Variants in DMRTC1 observed in about 807,000 individuals in gnomAD.
The protein encoded by DMRTC1 is doublesex- and mab-3-related transcription factor C1.
For missense variants in DMRTC1, 9 were observed against 34.6 expected (o/e 0.26, Z 1.86); for synonymous variants, 7 against 14.1 (o/e 0.50, Z 1.13).
At chrX:72,913,636 A>C (rs1253521581) in intron 1 of DMRTC1, among the ~76,000 whole-genome samples, 6 of 83,725 alleles carry the variant, frequency 7.2e-5, no homozygotes, top group African/African-American at 2.3e-4. Flanking sequence ...GGGCACTTAC[A>C]TGCAGGAATG....
chrX:72,886,942 A>C (rs868961122), intron 1 of DMRTC1, among the ~76,000 whole-genome samples: 144 of 97,788 alleles, frequency 1.5e-3, no homozygotes, highest in Admixed American at 2.3e-3. Context: ...CATTGTGGAG[A>C]TCTATCACAT....
chrX:72,912,573 T>TG (rs1345032400), intron 1 of DMRTC1: 5 of 283,950 alleles, frequency 1.8e-5, no homozygotes, highest in Non-Finnish European at 3.0e-5. Context: ...GGAGGGACGA[T>TG]GGGGCAGGGG....
chrX:72,879,147 G>GTTTTTTTTT (rs781972795), intron 1 of DMRTC1, among the ~76,000 whole-genome samples: 48 of 12,768 alleles, frequency 3.8e-3, no homozygotes, highest in Non-Finnish European at 6.5e-3. Flanking sequence ...TTTTTTGTTT[G>GTTTTTTTTT]TTTTTTTTTT....
chrX:72,916,332 A>G (rs1428881982), intron 1 of DMRTC1, among the ~76,000 whole-genome samples: 3 of 109,307 alleles, frequency 2.7e-5, no homozygotes, highest in East Asian at 2.9e-4. Flanking sequence ...ACAGCAATGC[A>G]GTCTAAGAGC....
Position 72,872,603 on chromosome X carries a change from C to A in DMRTC1, c.467-39G>T, listed in dbSNP as rs782099547. The A allele has an allele frequency of 4.2e-6, 5 of 1,195,416 alleles. No homozygotes were observed. In the African/African-American group the frequency reaches 5.6e-5, roughly 13 times the overall value. On this transcript the variant is annotated intron_variant, in intron 6 of 6. Transcript: ENST00000615063. ...GGAAGGGGCCAGAGCCAGGTCACAT[C>A]CACATCCCCTTCCAGATCTACTCTT...
At chrX:72,916,184 C>T (rs1473319265) in intron 1 of DMRTC1, among the ~76,000 whole-genome samples, 5 of 103,619 alleles carry the variant, frequency 4.8e-5, no homozygotes, top group African/African-American at 1.6e-4. Context: ...GTTACAGGAG[C>T]GTCACATGTT....
chrX:72,876,869 T>G, intron 1 of DMRTC1, among the ~76,000 whole-genome samples: 1 of 35,925 alleles, frequency 2.8e-5, no homozygotes, highest in Non-Finnish European at 5.0e-5. Flanking sequence ...CCCGGCCTTT[T>G]TTTTTTTTTT....
intron 1 of DMRTC1, among the ~76,000 whole-genome samples, chrX:72,879,356 T>TTTCCCTTCCCTTCCC (rs202023303): frequency 1.2e-4 from 2 of 16,576 alleles, no homozygotes; most frequent in Middle Eastern, 0.02. Flanking sequence ...TTTGCTTTCC[T>TTTCCCTTCCCTTCCC]TTCCCTTCCC....
chrX:72,875,317 T>G lies in DMRTC1; in HGVS notation c.79A>C (p.Asn27His), dbSNP rs1556351562. The G allele has an allele frequency of 3.3e-4, 1 of 3,007 alleles. No homozygotes were observed. 0.2% of individuals were successfully genotyped at this position (3,007 alleles called of 1,213,427 possible). ...RAGALTGKEN[N>H]MLQPETHIFT... is the part of the protein sequence containing the mutation. ...ATGTGGGTCTCGGGCTGCAGCATGTTGTTCTCCTTCCCAGCTGTGAAAGAC... is the reference window on the plus strand; with the variant it reads ...ATGTGGGTCTCGGGCTGCAGCATGTGGTTCTCCTTCCCAGCTGTGAAAGAC... Residue 27 changes from asparagine to histidine, a missense_variant, in exon 3 of 7, where the codon AAC becomes CAC. By Grantham distance (68) the Asn-to-His change is moderately conservative. Transcript: ENST00000615063.
chrX:72,913,436 G>A (rs1488071032), intron 1 of DMRTC1: 90 of 429,194 alleles, frequency 2.1e-4, no homozygotes, highest in Middle Eastern at 1.3e-3. Context: ...CTTTCAACAC[G>A]TCGGCTGAAC....
chrX:72,882,218 CT>C (rs1284884271), intron 1 of DMRTC1, among the ~76,000 whole-genome samples: 2 of 65,616 alleles, frequency 3.0e-5, no homozygotes, highest in African/African-American at 1.2e-4. Flanking sequence ...ATCTCACCCC[CT>C]CCCCCACCTC....
In DMRTC1 at chrX:72,916,270, G is replaced by C. The variant is rs1475334130; in HGVS notation, c.-95+27305C>G. ...TTCTGAGGTTGCATCGCCAGCACAA[G>C]AGGGAGCCAAGATACAGTCCCTGGT... On this transcript the variant is annotated intron_variant, in intron 1 of 6. Transcript: ENST00000615063. 7.3e-5 allele frequency among the ~76,000 whole-genome samples: 8 copies of C among 109,187 alleles called. 1 individual carries two copies. Among genetic ancestry groups the C allele is most frequent in the African/African-American group, 2.9e-4 (8 of 27,353 alleles). The allele number at this position is 109,187 out of a possible 115,157, so 94.8% of individuals were successfully genotyped here.
At chrX:72,913,637 T>C in intron 1 of DMRTC1, among the ~76,000 whole-genome samples, 1 of 83,694 alleles carries the variant, frequency 1.2e-5, no homozygotes, top group African/African-American at 4.6e-5. Context: ...GGCACTTACA[T>C]GCAGGAATGA....
intron 6 of DMRTC1, 95 bp from the exon 7 acceptor site, chrX:72,872,659 C>T: frequency 8.8e-7 from 1 of 1,132,956 alleles, no homozygotes; most frequent in Non-Finnish European, 1.2e-6. Flanking sequence ...AAAGATTTGT[C>T]ACCTGGACTG....
At chrX:72,882,268 G>A (rs1344919252) in intron 1 of DMRTC1, among the ~76,000 whole-genome samples, 2 of 50,744 alleles carry the variant, frequency 3.9e-5, no homozygotes, top group Non-Finnish European at 7.4e-5. Context: ...CAGAGACAGA[G>A]CACAAGCTGT....
intron 1 of DMRTC1, among the ~76,000 whole-genome samples, chrX:72,905,982 A>C (rs1261185509): frequency 9.3e-6 from 1 of 107,856 alleles, no homozygotes; most frequent in African/African-American, 3.5e-5. Context: ...CAAAATTAAC[A>C]AACCTTTAGC....
At chrX:72,880,655 TTTC>T (rs1490837058) in intron 1 of DMRTC1, among the ~76,000 whole-genome samples, 7 of 14,000 alleles carry the variant, frequency 5.0e-4, no homozygotes, top group East Asian at 8.8e-3. Context: ...TGCTTTGCTT[TTTC>T]TCTTTGCTTT....
At chrX:72,880,659 T>TTTGCTTTG (rs1569461353) in intron 1 of DMRTC1, among the ~76,000 whole-genome samples, 7 of 13,240 alleles carry the variant, frequency 5.3e-4, no homozygotes, top group East Asian at 9.3e-3. Flanking sequence ...TTGCTTTTTC[T>TTTGCTTTG]CTTTGCTTTG....
At position 72,872,490 on chromosome X, in the gene DMRTC1, G is replaced by A; in HGVS notation, c.541C>T (p.Pro181Ser). ...RPRPASSISL[P>S]IGHLGCISLL... is the part of the protein sequence containing the mutation. ...GAGATGCATCCCAGATGTCCAATAG[G>A]CAGCGAGATGGAGCTGGCTGGCCTG... is the stretch of plus-strand genomic sequence containing the variant. The change falls in exon 7 of 7, where the codon CCT becomes TCT. Residue 181 changes from proline to serine, a missense_variant. By Grantham distance (74) the Pro-to-Ser change is moderately conservative. Coordinates refer to ENST00000615063, the MANE Select transcript of DMRTC1 (RefSeq NM_033053.3). The A allele has an allele frequency of 8.7e-7, 1 of 1,149,753 alleles. No homozygotes were observed. The allele number at this position is 1,149,753 out of a possible 1,213,427, so 94.8% of individuals were successfully genotyped here. A position where few individuals can be genotyped will look rare whatever the true frequency, so the allele number is the denominator to read the frequency against.
Sources: allele counts gnomAD v4.1 joint callset (sites outside exome capture counted in the v4.1 genomes callset), GRCh38; gene constraint gnomAD v4.1.1; transcripts MANE v1.5; gene names NCBI Gene and HGNC (gene_info 2026-07-23, HGNC 2026-07-21).